The following RALYL variants were observed in gnomAD, a reference collection of about 807,000 sequenced individuals.
The protein encoded by RALYL is RALY RNA binding protein like, also known as RNA-binding Raly-like protein.
In RALYL, 29 loss-of-function variants were observed where a neutral mutation model predicts 35.1. That is an observed-to-expected ratio of 0.83 (90% CI 0.61 to 1.13). RALYL has a LOEUF of 1.13. RALYL is among the 50% of genes most tolerant of loss of function. The pLI is 0.00. For synonymous variants in RALYL, 120 were observed against 127.6 expected, an observed-to-expected ratio of 0.94 and a Z score of 0.40; for missense variants, 359 against 360.4, an observed-to-expected ratio of 1.00 and a Z score of 0.03.
intron 8 of RALYL, among the ~76,000 whole-genome samples, chr8:84,912,448 A>G (rs1034364313): frequency 6.6e-6 from 1 of 152,082 alleles, no homozygotes; most frequent in Non-Finnish European, 1.5e-5. Context: ...AAAAAGGTCA[A>G]TAATGTTTAT....
intron 2 of RALYL, among the ~76,000 whole-genome samples, chr8:84,666,137 G>C (rs1310536914): frequency 6.6e-6 from 1 of 151,948 alleles, no homozygotes; most frequent in African/African-American, 2.4e-5. Flanking sequence ...TGCCAACCAA[G>C]GTTGGCTCTA....
At chr8:84,450,214 C>T (rs1374134375) in intron 1 of RALYL, among the ~76,000 whole-genome samples, 1 of 151,722 alleles carries the variant, frequency 6.6e-6, no homozygotes, top group East Asian at 1.9e-4. Context: ...GGTTTTGATG[C>T]AGTTTACATA....
chr8:84,907,144 T>C (rs1168922709), intron 8 of RALYL: 1 of 191,418 alleles, frequency 5.2e-6, no homozygotes, highest in African/African-American at 2.4e-5. Context: ...TTCCTAAAAG[T>C]AAACCTTCCT....
At chr8:84,739,762 T>TGA (rs1367264643) in intron 2 of RALYL, among the ~76,000 whole-genome samples, 1 of 151,942 alleles carries the variant, frequency 6.6e-6, no homozygotes, top group Non-Finnish European at 1.5e-5. Context: ...AGATGAATTT[T>TGA]GAGAAATGAA....
chr8:84,385,541 G>C (rs920631138), intron 1 of RALYL, among the ~76,000 whole-genome samples: 2 of 151,748 alleles, frequency 1.3e-5, no homozygotes, highest in Non-Finnish European at 2.9e-5. Flanking sequence ...CTTCTTCCTA[G>C]CTTCCTGTCT....
At chr8:84,735,973 A>G (rs1362744069) in intron 2 of RALYL, among the ~76,000 whole-genome samples, 1 of 152,000 alleles carries the variant, frequency 6.6e-6, no homozygotes, top group African/African-American at 2.4e-5. Flanking sequence ...AAAGTCAAAC[A>G]CATGTGATTA....
At chr8:84,382,904 T>C (rs2131625928) in intron 1 of RALYL, among the ~76,000 whole-genome samples, 1 of 151,912 alleles carries the variant, frequency 6.6e-6, no homozygotes, top group Non-Finnish European at 1.5e-5. Flanking sequence ...TACGTGATTG[T>C]AGGCATCCAG....
At chr8:84,303,030 T>A (rs576965961) in intron 1 of RALYL, among the ~76,000 whole-genome samples, 2 of 152,264 alleles carry the variant, frequency 1.3e-5, no homozygotes, top group South Asian at 4.1e-4. Flanking sequence ...ATACTTTAAT[T>A]TTTACCAATA....
intron 1 of RALYL, among the ~76,000 whole-genome samples, chr8:84,242,427 C>T (rs1163100184): frequency 2.6e-5 from 4 of 152,174 alleles, no homozygotes; most frequent in African/African-American, 4.8e-5. Context: ...ACAGTGTCTT[C>T]CACAATGGTT....
rs147824216 is a variant in RALYL, at chr8:84,482,543, G to T, written c.-23-46756G>T. 1.5e-3 allele frequency among the ~76,000 whole-genome samples: 226 copies of T among 152,036 alleles called. 2 individuals carry two copies. Among genetic ancestry groups the T allele is most frequent in the African/African-American group, 4.7e-3 (196 of 41,474 alleles). ...TTAACAACTTAAAAAATCTCCATTA[G>T]TCTGTAACTGGCCACACTTAAGCCA... On this transcript the variant is annotated intron_variant, in intron 1 of 8. Coordinates refer to ENST00000521268, the MANE Select transcript of RALYL (RefSeq NM_173848.7).
chr8:84,908,553 T>C (rs1206877161), intron 8 of RALYL, among the ~76,000 whole-genome samples: 1 of 152,200 alleles, frequency 6.6e-6, no homozygotes, highest in Non-Finnish European at 1.5e-5. Flanking sequence ...TAAGGCTGAA[T>C]AGTATTCCAT....
At chr8:84,510,922 C>G (rs1587875713) in intron 1 of RALYL, among the ~76,000 whole-genome samples, 1 of 152,192 alleles carries the variant, frequency 6.6e-6, no homozygotes, top group East Asian at 1.9e-4. Context: ...TCACCTCACT[C>G]ACCTATCATT....
chr8:84,824,642 C>G (rs564402486), intron 4 of RALYL, among the ~76,000 whole-genome samples: 2 of 152,098 alleles, frequency 1.3e-5, no homozygotes, highest in Admixed American at 6.5e-5. Context: ...ACCAAAACAG[C>G]GTGGTACTGG....
chr8:84,405,540 C>A (rs1305307572), intron 1 of RALYL, among the ~76,000 whole-genome samples: 1 of 151,986 alleles, frequency 6.6e-6, no homozygotes, highest in East Asian at 1.9e-4. Flanking sequence ...ACCACTGATC[C>A]CACAGAAATA....
At chr8:84,260,078 A>G (rs1831970648) in intron 1 of RALYL, among the ~76,000 whole-genome samples, 1 of 152,162 alleles carries the variant, frequency 6.6e-6, no homozygotes, top group Non-Finnish European at 1.5e-5. Flanking sequence ...GAAGGATTGC[A>G]CTTACAAGTT....
intron 8 of RALYL, among the ~76,000 whole-genome samples, chr8:84,908,407 C>T (rs1244571840): frequency 6.6e-6 from 1 of 152,122 alleles, no homozygotes; most frequent in Non-Finnish European, 1.5e-5. Flanking sequence ...CTCTCTGCTT[C>T]CTACCTCTGT....
chr8:84,527,879 G>A (rs1373904997), intron 1 of RALYL, among the ~76,000 whole-genome samples: 1 of 152,002 alleles, frequency 6.6e-6, no homozygotes, highest in Non-Finnish European at 1.5e-5. Context: ...TTCATTATAA[G>A]GAGATATTTA....
At chr8:84,311,246 G>A (rs1158866979) in intron 1 of RALYL, among the ~76,000 whole-genome samples, 1 of 151,364 alleles carries the variant, frequency 6.6e-6, no homozygotes, top group African/African-American at 2.4e-5. Flanking sequence ...TTAAAGCAAG[G>A]CTATTCATTA....
intron 2 of RALYL, among the ~76,000 whole-genome samples, chr8:84,648,084 G>A (rs1318544100): frequency 6.6e-6 from 1 of 152,020 alleles, no homozygotes; most frequent in South Asian, 2.1e-4. Flanking sequence ...CTCTCCAGCA[G>A]AGTGTAAATG....
Sources: allele counts gnomAD v4.1 joint callset (sites outside exome capture counted in the v4.1 genomes callset), GRCh38; gene constraint gnomAD v4.1.1; transcripts MANE v1.5; gene names NCBI Gene and HGNC (gene_info 2026-07-23, HGNC 2026-07-21).